The following MAP7D2 variants were observed in gnomAD, a reference collection of about 807,000 sequenced individuals.
The protein encoded by MAP7D2 is MAP7 domain containing 2, also known as MAP7 domain-containing protein 2.
MAP7D2 carries 33 observed loss-of-function variants against 63.5 expected under a neutral mutation model. The ratio of observed to expected loss-of-function variants is 0.52; its 90% CI spans 0.39 to 0.70. MAP7D2 has a LOEUF of 0.70. Among genes scored for constraint, MAP7D2 ranks in the 30% least tolerant of loss-of-function variants. The probability of loss-of-function intolerance (pLI) is 0.00; values close to 1 mark genes in which losing one functional copy is unlikely to be tolerated. For missense variants in MAP7D2, 626 were observed against 604.0 expected (o/e 1.04, Z -0.38); for synonymous variants, 224 against 223.7 (o/e 1.00, Z -0.01).
At chrX:20,091,052 CTTTTTTTT>C (rs1280083347) in intron 1 of MAP7D2, among the ~76,000 whole-genome samples, 1 of 91,973 alleles carries the variant, frequency 1.1e-5, no homozygotes, top group Non-Finnish European at 2.2e-5. Context: ...GTGGAACACT[CTTTTTTTT>C]TTTTTTTTGG....
chrX:20,030,454 G>C (rs987912515), intron 8 of MAP7D2, among the ~76,000 whole-genome samples: 7 of 112,134 alleles, frequency 6.2e-5, no homozygotes, highest in Non-Finnish European at 9.4e-5. Context: ...AAGGCAGTAT[G>C]ATATAACCTT....
At chrX:20,009,437 G>T (rs1394706592) in intron 16 of MAP7D2, among the ~76,000 whole-genome samples, 1 of 110,964 alleles carries the variant, frequency 9.0e-6, no homozygotes, top group Non-Finnish European at 1.9e-5. Flanking sequence ...GCCAAGGCAG[G>T]CAGATTACCT....
intron 6 of MAP7D2, among the ~76,000 whole-genome samples, chrX:20,049,078 G>A (rs1041712212): frequency 3.6e-5 from 4 of 109,597 alleles, no homozygotes; most frequent in African/African-American, 6.7e-5. Flanking sequence ...AAGAAACTTC[G>A]TCCGTTAAGC....
At chrX:20,030,598 T>C (rs936691124) in intron 8 of MAP7D2, among the ~76,000 whole-genome samples, 12 of 111,621 alleles carry the variant, frequency 1.1e-4, no homozygotes, top group African/African-American at 3.9e-4. Context: ...AAGACTTTTT[T>C]CCTCCAATCT....
At chrX:20,009,104 T>C (rs1283571150) in intron 16 of MAP7D2, among the ~76,000 whole-genome samples, 1 of 111,508 alleles carries the variant, frequency 9.0e-6, no homozygotes, top group African/African-American at 3.3e-5. Flanking sequence ...AAACCAGTGA[T>C]ACAGTTTACT....
rs770794957 is a variant in MAP7D2, at chrX:20,038,661, C to T, written c.1007+3841G>A. 1.3e-4 allele frequency among the ~76,000 whole-genome samples: 14 copies of T among 111,351 alleles called. No individual in the cohort carries two copies. In the East Asian group the frequency reaches 3.7e-3, roughly 29 times the overall value. ...TTAGCAAAATTTTTGCTTCCTGTTCCCGCAACATTACGTTCTGCTGGCCTA... is the reference window on the plus strand; with the variant it reads ...TTAGCAAAATTTTTGCTTCCTGTTCTCGCAACATTACGTTCTGCTGGCCTA... On this transcript the variant is annotated intron_variant, in intron 8 of 16. Coordinates refer to ENST00000379643, the MANE Select transcript of MAP7D2 (RefSeq NM_001168465.2).
chrX:20,052,255 T>G (rs1256001723), intron 5 of MAP7D2: 1 of 141,256 alleles, frequency 7.1e-6, no homozygotes, highest in Admixed American at 7.8e-5. Flanking sequence ...CAGTGACTTA[T>G]CTGAGCCTTT....
At chrX:20,080,268 C>T (rs150221970) in intron 1 of MAP7D2, among the ~76,000 whole-genome samples, 1,575 of 110,588 alleles carry the variant, frequency 0.014, 8 homozygotes, top group Middle Eastern at 0.018. Flanking sequence ...CTTCCCTGTG[C>T]GGTGGTTGCA....
At chrX:20,024,314 G>C (rs377577168) in intron 10 of MAP7D2, among the ~76,000 whole-genome samples, 1 of 112,204 alleles carries the variant, frequency 8.9e-6, no homozygotes, top group East Asian at 2.8e-4. Flanking sequence ...AAACAGAACA[G>C]GGCTGAGTCC....
At chrX:20,061,135 A>G (rs540247852) in intron 3 of MAP7D2, among the ~76,000 whole-genome samples, 3 of 108,088 alleles carry the variant, frequency 2.8e-5, no homozygotes, top group African/African-American at 1.0e-4. Flanking sequence ...AAAAAAAAAA[A>G]AAAAAAGACT....
chrX:20,092,489 C>G (rs1285918959), intron 1 of MAP7D2, among the ~76,000 whole-genome samples: 1 of 111,768 alleles, frequency 8.9e-6, no homozygotes, highest in Non-Finnish European at 1.9e-5. Flanking sequence ...CCTGAAAGAC[C>G]CGTTCACAAG....
At chrX:20,040,322 T>A (rs1365104287) in intron 8 of MAP7D2, among the ~76,000 whole-genome samples, 1 of 112,139 alleles carries the variant, frequency 8.9e-6, no homozygotes, top group Non-Finnish European at 1.9e-5. Flanking sequence ...ATCCTATTAG[T>A]TCTGTCCCTC....
At chrX:20,065,166 G>A (rs1440736529) in intron 1 of MAP7D2, among the ~76,000 whole-genome samples, 1 of 111,690 alleles carries the variant, frequency 9.0e-6, no homozygotes, top group Admixed American at 9.5e-5. Context: ...GTCTAGTCAG[G>A]CTCCCAAGCC....
At chrX:20,011,319 T>A (rs1201271196) in intron 15 of MAP7D2, among the ~76,000 whole-genome samples, 1 of 110,701 alleles carries the variant, frequency 9.0e-6, no homozygotes, top group African/African-American at 3.3e-5. Context: ...GCCCAAAGGG[T>A]GAAAGGACAA....
intron 1 of MAP7D2, among the ~76,000 whole-genome samples, chrX:20,087,879 C>CTTTCTTTTTTTTTT (rs2065950074): frequency 1.9e-5 from 1 of 52,852 alleles, no homozygotes; most frequent in Non-Finnish European, 3.2e-5. Context: ...AATTTCTTTT[C>CTTTCTTTTTTTTTT]TTTTTTTTTT....
rs191867350 is a variant in MAP7D2 at position 20,064,919 on chromosome X, T to C, written c.131-114A>G. ...TCTGACTGCACGTGCACATCATCCA[T>C]CTCCATCACTTCAACCAAAGGAAGT... On this transcript the variant is annotated intron_variant, in intron 1 of 16. Transcript: ENST00000379643. 3 of 568,438 alleles carry C rather than the reference T, an allele frequency of 5.3e-6. No individual in the cohort carries two copies. The Admixed American group carries it at 8.1e-5, about 15-fold the overall frequency. The allele number at this position is 568,438 out of a possible 1,213,427, so 46.8% of individuals were successfully genotyped here.
At position 20,013,081 on chromosome X, in the gene MAP7D2, T is replaced by C. The variant is rs1308731450; in HGVS notation, c.1858A>G (p.Thr620Ala). 8.3e-7 allele frequency: 1 copy of C among 1,211,332 alleles called. No homozygotes were observed. The highest frequency in any genetic ancestry group is 1.1e-6 in the Non-Finnish European group (1 of 895,019). The change falls in exon 14 of 17, where the codon ACA becomes GCA. Residue 620 changes from threonine to alanine, a missense_variant. Physicochemically the swap from Thr to Ala is moderately conservative, Grantham distance 58. Coordinates refer to ENST00000379643, the MANE Select transcript of MAP7D2 (RefSeq NM_001168465.2). Reference protein sequence around the residue: ...VQPAVCVEKKTKLVVPNKMEI... With the variant: ...VQPAVCVEKKAKLVVPNKMEI... ...ATTTTGTTGGGGACAACCAGTTTTGTCTTCTTTTCCACACACACAGCAGGC... is the reference window on the plus strand; with the variant it reads ...ATTTTGTTGGGGACAACCAGTTTTGCCTTCTTTTCCACACACACAGCAGGC...
chrX:20,047,948 AC>A (rs1261148505), intron 6 of MAP7D2, among the ~76,000 whole-genome samples: 1 of 111,807 alleles, frequency 8.9e-6, no homozygotes, highest in African/African-American at 3.3e-5. Context: ...AAAGGACATA[AC>A]TGAGATCAAT....
At chrX:20,096,429 CAAA>C (rs775218484) in intron 1 of MAP7D2, among the ~76,000 whole-genome samples, 7 of 40,115 alleles carry the variant, frequency 1.7e-4, no homozygotes, top group African/African-American at 5.2e-4. Flanking sequence ...GACCTTGTCT[CAAA>C]AAAAAAAAAA....
Sources: allele counts gnomAD v4.1 joint callset (sites outside exome capture counted in the v4.1 genomes callset), GRCh38; gene constraint gnomAD v4.1.1; transcripts MANE v1.5; gene names NCBI Gene and HGNC (gene_info 2026-07-23, HGNC 2026-07-21).